The following PSAT1 variants were observed in gnomAD, a reference collection of about 807,000 sequenced individuals.
PSAT1 encodes phosphoserine aminotransferase 1, also known as phosphoserine aminotransferase.
PSAT1 carries 41 observed loss-of-function variants against 40.3 expected under a neutral mutation model. The observed-to-expected ratio is 1.02, with a 90% CI of 0.79 to 1.32. The LOEUF (loss-of-function observed/expected upper bound fraction) is 1.32, where lower values mean the gene tolerates loss of function less well. Ranked by LOEUF, PSAT1 falls within the 40% of genes most tolerant of loss-of-function variation. The probability of loss-of-function intolerance (pLI) is 0.00; values close to 1 mark genes in which losing one functional copy is unlikely to be tolerated. For missense variants in PSAT1, 406 were observed against 455.8 expected (o/e 0.89, Z 0.99); for synonymous variants, 147 against 170.5 (o/e 0.86, Z 1.07).
At chr9:78,325,791 A>G (rs1828489393) in intron 7 of PSAT1, among the ~76,000 whole-genome samples, 1 of 152,250 alleles carries the variant, frequency 6.6e-6, no homozygotes, top group South Asian at 2.1e-4. Context: ...TATTTGTTGC[A>G]TGACAATTTA....
chr9:78,303,782 A>G (rs1230965395), intron 3 of PSAT1, among the ~76,000 whole-genome samples: 1 of 152,154 alleles, frequency 6.6e-6, no homozygotes, highest in East Asian at 1.9e-4. Flanking sequence ...CCTGCCCTTT[A>G]TTAATTTACC....
intron 2 of PSAT1, 150 bp downstream of exon 2, chr9:78,300,812 C>T (rs2118624309): frequency 7.7e-7 from 1 of 1,290,850 alleles, no homozygotes; most frequent in Non-Finnish European, 1.0e-6. Context: ...AACTCCTGGG[C>T]TCAAGTGACC....
chr9:78,321,979 T>C (rs536530753), intron 7 of PSAT1, among the ~76,000 whole-genome samples: 5 of 152,248 alleles, frequency 3.3e-5, no homozygotes, highest in African/African-American at 1.2e-4. Context: ...CTGGTTAATT[T>C]GTATAAAGTG....
intron 7 of PSAT1, among the ~76,000 whole-genome samples, chr9:78,326,276 A>G (rs115550249): frequency 2.0e-4 from 31 of 152,346 alleles, no homozygotes; most frequent in African/African-American, 7.5e-4. Flanking sequence ...AAAAGAGGAT[A>G]TACTTGAGCA....
intron 6 of PSAT1, among the ~76,000 whole-genome samples, chr9:78,312,176 A>G (rs1381591212): frequency 6.6e-6 from 1 of 152,106 alleles, no homozygotes; most frequent in Non-Finnish European, 1.5e-5. Flanking sequence ...GAGTGGAATA[A>G]AGAACACACT....
Position 78,329,617 on chromosome 9 carries a change from A to C in PSAT1, c.*531A>C, listed in dbSNP as rs1007924919. 1 of 162,140 alleles carries C rather than the reference A, an allele frequency of 6.2e-6. No individual in the cohort carries two copies. The highest frequency in any genetic ancestry group is 2.4e-5 in the African/African-American group (1 of 41,494). 10.0% of individuals were successfully genotyped at this position (162,140 alleles called of 1,614,324 possible). A position where few individuals can be genotyped will look rare whatever the true frequency, so the allele number is the denominator to read the frequency against. ...ATGCTGTTATTACAGGAGAAGTGAC[A>C]TACTTTATATATGTTTATATTAGCA... On this transcript the variant is annotated 3_prime_UTR_variant, in exon 9 of 9. Transcript: ENST00000376588.
At chr9:78,311,561 C>T (rs569730320) in intron 6 of PSAT1, among the ~76,000 whole-genome samples, 171 of 151,970 alleles carry the variant, frequency 1.1e-3, no homozygotes, top group Non-Finnish European at 2.1e-3. Context: ...CGGCCGGGTG[C>T]GGTGGCTCAC....
chr9:78,323,999 C>A (rs114403572), intron 7 of PSAT1, among the ~76,000 whole-genome samples: 2,195 of 152,220 alleles, frequency 0.014, 56 homozygotes, highest in African/African-American at 0.044. Context: ...CCCTTCTGAG[C>A]CTTACCACCT....
intron 7 of PSAT1, among the ~76,000 whole-genome samples, chr9:78,318,081 C>T (rs1049785682): frequency 6.6e-6 from 1 of 152,090 alleles, no homozygotes; most frequent in African/African-American, 2.4e-5. Flanking sequence ...TCTCAGTTCA[C>T]TCCCTGGGGT....
chr9:78,316,631 G>T (rs1416712118), intron 6 of PSAT1, among the ~76,000 whole-genome samples: 2 of 152,192 alleles, frequency 1.3e-5, no homozygotes. Context: ...CTGGCTGGAG[G>T]GTGGAGTTGG....
chr9:78,326,955 A>ATATATATATATATTTTTTTT, intron 7 of PSAT1, among the ~76,000 whole-genome samples: 4 of 75,964 alleles, frequency 5.3e-5, no homozygotes, highest in African/African-American at 3.8e-4. Context: ...ATATATATAT[A>ATATATATATATATTTTTTTT]TTTTTTTTTT....
chr9:78,309,658 C>T (rs1434103467), intron 6 of PSAT1, among the ~76,000 whole-genome samples: 11 of 152,236 alleles, frequency 7.2e-5, no homozygotes, highest in East Asian at 1.9e-4. Flanking sequence ...CCACCACAAC[C>T]GGCCAACATC....
chr9:78,300,709 G>C, intron 2 of PSAT1, 47 bp downstream of exon 2: 27 of 1,176,020 alleles, frequency 2.3e-5, no homozygotes, highest in East Asian at 6.7e-5. Flanking sequence ...TTCAAAGGAA[G>C]CTTTTTTTTT....
intron 7 of PSAT1, among the ~76,000 whole-genome samples, chr9:78,325,874 T>C (rs1828490621): frequency 1.3e-5 from 2 of 152,240 alleles, no homozygotes; most frequent in Admixed American, 6.5e-5. Flanking sequence ...ATGGGTAAAT[T>C]GCAGGGAGAG....
intron 4 of PSAT1, among the ~76,000 whole-genome samples, chr9:78,306,066 C>T (rs1187754617): frequency 6.6e-6 from 1 of 152,128 alleles, no homozygotes; most frequent in Non-Finnish European, 1.5e-5. Flanking sequence ...CCCACCTTCC[C>T]ATGCCATTTT....
At chr9:78,326,934 AATATAT>A (rs1210919066) in intron 7 of PSAT1, among the ~76,000 whole-genome samples, 4 of 104,550 alleles carry the variant, frequency 3.8e-5, no homozygotes, top group Admixed American at 1.2e-4. Context: ...AAGTGACAGC[AATATAT>A]ATATATATAT....
chr9:78,300,576 C>A lies in PSAT1; in HGVS notation c.61-26C>A, dbSNP rs781346626. ...AGCAGTGCAGAACATATTTAAATAACCCTATTTTCCTTTATTTTTTTCTAG... is the reference window on the plus strand; with the variant it reads ...AGCAGTGCAGAACATATTTAAATAAACCTATTTTCCTTTATTTTTTTCTAG... On this transcript the variant is annotated intron_variant, in intron 1 of 8. Coordinates refer to ENST00000376588, the MANE Select transcript of PSAT1 (RefSeq NM_058179.4). The A allele has an allele frequency of 8.1e-6, 13 of 1,604,750 alleles. No homozygotes were observed. The African/African-American group carries it at 9.4e-5, about 12-fold the overall frequency.
chr9:78,319,315 C>A (rs1438315116), intron 7 of PSAT1, among the ~76,000 whole-genome samples: 1 of 152,182 alleles, frequency 6.6e-6, no homozygotes, highest in Non-Finnish European at 1.5e-5. Context: ...TGCTTGTTGC[C>A]TGTTTCTGTG....
At chr9:78,308,627 C>T in intron 6 of PSAT1, 44 bp downstream of exon 6, 1 of 1,604,160 alleles carries the variant, frequency 6.2e-7, no homozygotes, top group Non-Finnish European at 8.5e-7. Context: ...AGGGGTCTCA[C>T]TATTTTTCAT....
Sources: allele counts gnomAD v4.1 joint callset (sites outside exome capture counted in the v4.1 genomes callset), GRCh38; gene constraint gnomAD v4.1.1; transcripts MANE v1.5; gene names NCBI Gene and HGNC (gene_info 2026-07-23, HGNC 2026-07-21).